Variants in ADGRE1 observed in about 807,000 individuals in gnomAD.
ADGRE1 encodes the protein adhesion G protein-coupled receptor E1, also known as EGF-like module receptor 1.
In ADGRE1, 82 loss-of-function variants were observed where a neutral mutation model predicts 102.7. The observed-to-expected ratio is 0.80, with a 90% CI of 0.67 to 0.96. The LOEUF (loss-of-function observed/expected upper bound fraction) is 0.96. Among genes scored for constraint, ADGRE1 ranks in the 40% least tolerant of loss-of-function variants. The probability of loss-of-function intolerance (pLI) is 0.00; values close to 1 mark genes in which losing one functional copy is unlikely to be tolerated. For missense variants in ADGRE1, 1,032 were observed against 1,085.3 expected (o/e 0.95, Z 0.69); for synonymous variants, 398 against 399.6 (o/e 1.00, Z 0.05).
intron 13 of ADGRE1, among the ~76,000 whole-genome samples, chr19:6,921,291 G>A (rs1291083380): frequency 3.9e-5 from 6 of 152,010 alleles, no homozygotes; most frequent in Admixed American, 6.6e-5. Context: ...GCATGGTGGC[G>A]GGCACCTGTA....
At chr19:6,905,695 C>A (rs538234897) in intron 8 of ADGRE1, among the ~76,000 whole-genome samples, 21 of 152,068 alleles carry the variant, frequency 1.4e-4, no homozygotes, top group African/African-American at 3.4e-4. Flanking sequence ...TCCCCTCCCC[C>A]CAAGAATAAT....
At chr19:6,896,049 C>A (rs1973536745) in intron 2 of ADGRE1, 1 of 181,182 alleles carries the variant, frequency 5.5e-6, no homozygotes, top group Non-Finnish European at 1.1e-5. Context: ...GCTGGCAATC[C>A]TTGGTGTTCC....
intron 12 of ADGRE1, among the ~76,000 whole-genome samples, chr19:6,918,056 A>T (rs1974466942): frequency 6.6e-6 from 1 of 152,218 alleles, no homozygotes; most frequent in Non-Finnish European, 1.5e-5. Flanking sequence ...AAGGAGGAGG[A>T]ATCTGTTTTG....
At chr19:6,910,813 T>A (rs1057370866) in intron 10 of ADGRE1, among the ~76,000 whole-genome samples, 1 of 152,184 alleles carries the variant, frequency 6.6e-6, no homozygotes, top group East Asian at 1.9e-4. Context: ...CCTCAGGTGA[T>A]CCACCCACCT....
At chr19:6,891,793 A>G (rs1973386313) in intron 2 of ADGRE1, among the ~76,000 whole-genome samples, 1 of 152,078 alleles carries the variant, frequency 6.6e-6, no homozygotes, top group South Asian at 2.1e-4. Context: ...GATGGTTGGG[A>G]AAATTTTCTC....
intron 2 of ADGRE1, among the ~76,000 whole-genome samples, chr19:6,891,523 G>T (rs1446371483): frequency 6.7e-6 from 1 of 150,336 alleles, no homozygotes; most frequent in Non-Finnish European, 1.5e-5. Context: ...GTGCGATCTC[G>T]GTTCACTGCA....
intron 20 of ADGRE1, among the ~76,000 whole-genome samples, 182 bp from the exon 21 acceptor site, chr19:6,939,842 C>T (rs975566225): frequency 6.6e-6 from 1 of 152,146 alleles, no homozygotes; most frequent in Non-Finnish European, 1.5e-5. Context: ...TTGAGAATGG[C>T]TTTTGGGTTT....
At chr19:6,916,784 A>G (rs916129581) in intron 12 of ADGRE1, among the ~76,000 whole-genome samples, 6 of 151,300 alleles carry the variant, frequency 4.0e-5, no homozygotes, top group African/African-American at 1.4e-4. Context: ...GTAATATTTA[A>G]ATTTTTAAAA....
At chr19:6,930,537 T>G (rs921991346) in intron 17 of ADGRE1, among the ~76,000 whole-genome samples, 3 of 152,254 alleles carry the variant, frequency 2.0e-5, no homozygotes, top group Non-Finnish European at 4.4e-5. Flanking sequence ...AATAATCACA[T>G]CAGAGTCAAC....
rs187934059 is a variant in ADGRE1 at position 6,893,220 on chromosome 19, G to A, written c.94+2677G>A. Among the ~76,000 whole-genome samples, 357 of 151,704 alleles carry A rather than the reference G, an allele frequency of 2.4e-3. 4 individuals carry two copies. The highest frequency in any genetic ancestry group is 1.3e-3 in the Non-Finnish European group (86 of 67,926). On this transcript the variant is annotated intron_variant, in intron 2 of 20. Transcript: ENST00000312053. Reference sequence around the variant, plus strand: ...TTTTTATTTTTTATTTTTTTGAGACGGAGTTTTGCTCTTGTTGCCCAGGCT... The same window carrying A: ...TTTTTATTTTTTATTTTTTTGAGACAGAGTTTTGCTCTTGTTGCCCAGGCT...
At chr19:6,929,681 C>T (rs1975064705) in intron 17 of ADGRE1, among the ~76,000 whole-genome samples, 1 of 152,034 alleles carries the variant, frequency 6.6e-6, no homozygotes, top group East Asian at 1.9e-4. Flanking sequence ...CACCACCACA[C>T]CCGGCAATTT....
intron 14 of ADGRE1, among the ~76,000 whole-genome samples, chr19:6,923,285 G>A (rs1974748860): frequency 6.6e-6 from 1 of 152,044 alleles, no homozygotes; most frequent in Non-Finnish European, 1.5e-5. Flanking sequence ...TCTCTGCACT[G>A]AGCCCAGCTC....
At position 6,896,148 on chromosome 19, in the gene ADGRE1, T is replaced by C. The variant is rs533285202; in HGVS notation, c.95-250T>C. ...TGTCTGTGTGTCTCTTCTCTTCTTA[T>C]AAGGACACCTGTGGCCCACCCTACT... On this transcript the variant is annotated intron_variant, in intron 2 of 20. Coordinates refer to ENST00000312053, the MANE Select transcript of ADGRE1 (RefSeq NM_001974.5). 486 of 407,202 alleles carry C rather than the reference T, an allele frequency of 1.2e-3. 2 individuals carry two copies. Among genetic ancestry groups the C allele is most frequent in the Non-Finnish European group, 2.0e-3 (443 of 223,130 alleles). The allele number at this position is 407,202 out of a possible 1,614,324, so 25.2% of individuals were successfully genotyped here. A position where few individuals can be genotyped will look rare whatever the true frequency, so the allele number is the denominator to read the frequency against.
intron 5 of ADGRE1, among the ~76,000 whole-genome samples, chr19:6,900,081 G>A (rs190254748): frequency 1.5e-3 from 209 of 143,004 alleles, no homozygotes; most frequent in South Asian, 3.6e-3. Context: ...GTGACAGAGC[G>A]AGACTCCATC....
chr19:6,937,760 CTAG>C, intron 20 of ADGRE1, 112 bp downstream of exon 20: 1 of 831,104 alleles, frequency 1.2e-6, no homozygotes, highest in Non-Finnish European at 2.0e-6. Context: ...GGTGCCCACC[CTAG>C]TTAGCTCATG....
intron 11 of ADGRE1, among the ~76,000 whole-genome samples, chr19:6,915,925 A>C (rs12977901): frequency 1.2e-4 from 13 of 105,756 alleles, no homozygotes; most frequent in African/African-American, 1.4e-4. Flanking sequence ...CGTCTCAAAA[A>C]AAAAAAAAAA....
At position 6,903,893 on chromosome 19, in the gene ADGRE1, G is replaced by A; in HGVS notation, c.745G>A (p.Gly249Ser). Reference protein sequence around the residue: ...PGSYFCTCHPGFAPSNGQLNF... With the variant: ...PGSYFCTCHPSFAPSNGQLNF... The stretch of plus-strand genomic sequence containing the variant: ...GAGCTACTTTTGCACCTGCCACCCT[G>A]GCTTTGCACCAAGCAATGGACAGTT... Residue 249 changes from glycine (G) to serine (S), a missense_variant, in exon 7 of 21, where the codon GGC becomes AGC. Gly to Ser is a moderately conservative substitution (Grantham distance 56). Transcript: ENST00000312053. 6.2e-7 allele frequency: 1 copy of A among 1,614,164 alleles called. No homozygotes were observed. Among genetic ancestry groups the A allele is most frequent in the Admixed American group, 1.7e-5 (1 of 60,010 alleles).
chr19:6,915,395 T>C (rs1490329559), intron 11 of ADGRE1, among the ~76,000 whole-genome samples: 1 of 152,170 alleles, frequency 6.6e-6, no homozygotes, highest in Non-Finnish European at 1.5e-5. Flanking sequence ...ATACTTCTTG[T>C]TCCATTATCT....
chr19:6,896,628 A>C, intron 3 of ADGRE1, 87 bp downstream of exon 3: 1 of 1,444,010 alleles, frequency 6.9e-7, no homozygotes, highest in Non-Finnish European at 9.3e-7. Context: ...GTACTCCCCC[A>C]CCCCCCATTT....
Sources: allele counts gnomAD v4.1 joint callset (sites outside exome capture counted in the v4.1 genomes callset), GRCh38; gene constraint gnomAD v4.1.1; transcripts MANE v1.5; gene names NCBI Gene and HGNC (gene_info 2026-07-23, HGNC 2026-07-21).